Variants in DLG2 observed in about 807,000 individuals in gnomAD.
The protein encoded by DLG2 is disks large homolog 2.
DLG2 carries 45 observed loss-of-function variants against 132.5 expected under a neutral mutation model. The ratio of observed to expected loss-of-function variants is 0.34; its 90% CI spans 0.27 to 0.44. The LOEUF (loss-of-function observed/expected upper bound fraction) is 0.44, where lower values mean the gene tolerates loss of function less well. Ranked by LOEUF, DLG2 falls within the 20% of genes least tolerant of loss-of-function variation. The pLI is 1.00. For missense variants in DLG2, 1,045 were observed against 1,196.9 expected (o/e 0.87, Z 1.87); for synonymous variants, 424 against 419.6 (o/e 1.01, Z -0.13).
intron 7 of DLG2, among the ~76,000 whole-genome samples, chr11:84,504,540 T>C (rs1208344467): frequency 2.0e-5 from 3 of 152,332 alleles, no homozygotes; most frequent in Non-Finnish European, 2.9e-5. Flanking sequence ...AACCTGAGAT[T>C]GTGCTGACCT....
chr11:84,755,081 T>G (rs1471873569), intron 6 of DLG2, among the ~76,000 whole-genome samples: 2 of 152,210 alleles, frequency 1.3e-5, no homozygotes, highest in African/African-American at 4.8e-5. Flanking sequence ...TACTATCATA[T>G]TCAACATCAA....
chr11:83,591,173 G>A (rs1159184398), intron 19 of DLG2, among the ~76,000 whole-genome samples: 1 of 148,516 alleles, frequency 6.7e-6, no homozygotes, highest in African/African-American at 2.5e-5. Context: ...CCAAAGCCAG[G>A]CAGAGACACA....
chr11:84,343,245 A>G (rs1438512029), intron 7 of DLG2, among the ~76,000 whole-genome samples: 1 of 152,156 alleles, frequency 6.6e-6, no homozygotes, highest in African/African-American at 2.4e-5. Flanking sequence ...TGCTTATCAC[A>G]CTGAATTCTT....
chr11:84,446,255 T>A (rs539809932), intron 7 of DLG2, among the ~76,000 whole-genome samples: 3 of 152,246 alleles, frequency 2.0e-5, no homozygotes, highest in South Asian at 2.1e-4. Context: ...ATCTATCATG[T>A]TCTGTTTTTA....
intron 2 of DLG2, among the ~76,000 whole-genome samples, chr11:85,619,829 G>A (rs1368736121): frequency 3.3e-5 from 5 of 150,222 alleles, no homozygotes; most frequent in African/African-American, 7.3e-5. Flanking sequence ...GCAAAACTCC[G>A]TCTCAAAAAA....
chr11:84,454,702 C>T (rs2099060770), intron 7 of DLG2, among the ~76,000 whole-genome samples: 1 of 151,352 alleles, frequency 6.6e-6, no homozygotes, highest in African/African-American at 2.4e-5. Context: ...GACAAATCTC[C>T]AAATAATCCA....
At chr11:83,530,050 G>A (rs1565659418) in intron 21 of DLG2, among the ~76,000 whole-genome samples, 1 of 151,898 alleles carries the variant, frequency 6.6e-6, no homozygotes, top group Non-Finnish European at 1.5e-5. Flanking sequence ...TAGGTATTCA[G>A]TAAAAATCCT....
At chr11:83,685,112 T>C (rs932240452) in intron 18 of DLG2, among the ~76,000 whole-genome samples, 1 of 152,166 alleles carries the variant, frequency 6.6e-6, no homozygotes, top group Non-Finnish European at 1.5e-5. Context: ...AAATGGTCTG[T>C]ACTATTATCT....
At chr11:84,180,669 G>A (rs2096093457) in intron 8 of DLG2, among the ~76,000 whole-genome samples, 1 of 152,058 alleles carries the variant, frequency 6.6e-6, no homozygotes, top group Non-Finnish European at 1.5e-5. Context: ...AGTCTTGAAA[G>A]AAGCTAGTGG....
intron 19 of DLG2, among the ~76,000 whole-genome samples, chr11:83,629,227 T>C (rs2063150496): frequency 6.6e-6 from 1 of 152,210 alleles, no homozygotes; most frequent in Non-Finnish European, 1.5e-5. Flanking sequence ...GAAACATGAC[T>C]GTTACTGCTG....
intron 6 of DLG2, among the ~76,000 whole-genome samples, chr11:84,860,430 A>C (rs1250974420): frequency 6.6e-6 from 1 of 152,124 alleles, no homozygotes; most frequent in African/African-American, 2.4e-5. Flanking sequence ...CTAGGGCTTC[A>C]TTTGTAGGTA....
At chr11:84,139,693 G>C (rs1345353240) in intron 9 of DLG2, among the ~76,000 whole-genome samples, 1 of 152,098 alleles carries the variant, frequency 6.6e-6, no homozygotes, top group Non-Finnish European at 1.5e-5. Context: ...AAGCAGGTAA[G>C]TGTTAAAGCT....
At chr11:85,065,871 G>T (rs547381323) in intron 6 of DLG2, among the ~76,000 whole-genome samples, 4 of 151,228 alleles carry the variant, frequency 2.6e-5, no homozygotes, top group African/African-American at 9.7e-5. Flanking sequence ...AAAATAGAAA[G>T]ATCTCAAATT....
At chr11:85,096,588 A>G (rs996519950) in intron 6 of DLG2, among the ~76,000 whole-genome samples, 3 of 152,088 alleles carry the variant, frequency 2.0e-5, no homozygotes, top group Non-Finnish European at 4.4e-5. Context: ...CTGTGGCTTC[A>G]TTTTTGAAGT....
intron 6 of DLG2, among the ~76,000 whole-genome samples, chr11:85,045,454 GT>G (rs2062249731): frequency 6.6e-6 from 1 of 151,970 alleles, no homozygotes. Flanking sequence ...TTTTGTGGTA[GT>G]TAAACTATAA....
chr11:84,170,075 C>G (rs993598828), intron 8 of DLG2, among the ~76,000 whole-genome samples: 3 of 151,544 alleles, frequency 2.0e-5, no homozygotes, highest in Non-Finnish European at 4.4e-5. Flanking sequence ...TTTTTTTTAC[C>G]CTTGTACCTT....
At chr11:84,434,249 G>A (rs977117774) in intron 7 of DLG2, among the ~76,000 whole-genome samples, 1 of 152,040 alleles carries the variant, frequency 6.6e-6, no homozygotes, top group African/African-American at 2.4e-5. Flanking sequence ...TTTATGTATA[G>A]TCTTATCTGA....
intron 6 of DLG2, among the ~76,000 whole-genome samples, chr11:84,711,009 G>GAT (rs367922564): frequency 0.22 from 19,491 of 88,716 alleles, 1,437 homozygotes; most frequent in South Asian, 0.28. Context: ...TATATATATA[G>GAT]ATATATATAT....
chr11:83,983,115 GTTA>G (rs1371925413), intron 11 of DLG2, among the ~76,000 whole-genome samples: 3 of 151,976 alleles, frequency 2.0e-5, no homozygotes, highest in Non-Finnish European at 2.9e-5. Context: ...ATTTTAAAAA[GTTA>G]TTATGAGATC....
Sources: gnomAD v4.1 joint callset for allele counts (sites outside exome capture counted in the v4.1 genomes callset) on GRCh38, gnomAD v4.1.1 for gene constraint, MANE v1.5 for transcripts, NCBI Gene and HGNC (gene_info 2026-07-23, HGNC 2026-07-21) for gene names.